The following PRELID2 variants were observed in gnomAD, a reference collection of about 807,000 sequenced individuals.
PRELID2 encodes the protein PRELI domain-containing protein 2.
Under a neutral mutation model 28.4 loss-of-function variants are expected in PRELID2, and 25 were observed. The ratio of observed to expected loss-of-function variants is 0.88; its 90% CI spans 0.64 to 1.23. The LOEUF is 1.23. Ranked by LOEUF, PRELID2 falls within the 50% of genes most tolerant of loss-of-function variation. The probability of loss-of-function intolerance (pLI) is 0.00; values close to 1 mark genes in which losing one functional copy is unlikely to be tolerated. For missense variants in PRELID2, 201 were observed against 214.4 expected, an observed-to-expected ratio of 0.94 and a Z score of 0.39; for synonymous variants, 76 against 71.6, an observed-to-expected ratio of 1.06 and a Z score of -0.31.
At chr5:145,828,061 G>T (rs1270549624) in intron 1 of PRELID2, among the ~76,000 whole-genome samples, 1 of 152,080 alleles carries the variant, frequency 6.6e-6, no homozygotes, top group African/African-American at 2.4e-5. Context: ...TAAATGAAAA[G>T]AAATAAAAAA....
chr5:145,391,679 G>GT, the PRELID2 span, among the ~76,000 whole-genome samples: 5 of 148,850 alleles, frequency 3.4e-5, no homozygotes. Context: ...CCTAGAAAAT[G>GT]TTTTGTTTTT....
the PRELID2 span, among the ~76,000 whole-genome samples, chr5:145,279,135 T>C: frequency 2.7e-4 from 41 of 152,298 alleles, no homozygotes; most frequent in African/African-American, 9.1e-4. Flanking sequence ...CTATGCATTG[T>C]CGTATCTGAA....
At chr5:145,717,424 A>T (rs1445299361) in intron 1 of PRELID2, among the ~76,000 whole-genome samples, 1 of 152,108 alleles carries the variant, frequency 6.6e-6, no homozygotes, top group Non-Finnish European at 1.5e-5. Flanking sequence ...ATGGTATGTG[A>T]GTTATGTTTC....
chr5:145,249,961 C>T, the PRELID2 span, among the ~76,000 whole-genome samples: 2 of 151,822 alleles, frequency 1.3e-5, no homozygotes, highest in African/African-American at 4.8e-5. Flanking sequence ...CTCTCTCTCT[C>T]TCTCCTTTTG....
At chr5:145,407,586 T>TA in the PRELID2 span, among the ~76,000 whole-genome samples, 52 of 152,130 alleles carry the variant, frequency 3.4e-4, no homozygotes, top group African/African-American at 1.3e-3. Context: ...ACCCATTGCC[T>TA]AAAAAACCCC....
chr5:145,546,882 G>A (rs980525475), intron 1 of PRELID2, among the ~76,000 whole-genome samples: 2 of 152,176 alleles, frequency 1.3e-5, no homozygotes, highest in Admixed American at 1.3e-4. Context: ...AAACAGCTTA[G>A]CTTCATGGTT....
chr5:145,634,093 T>G (rs1391674835), intron 1 of PRELID2, among the ~76,000 whole-genome samples: 1 of 152,106 alleles, frequency 6.6e-6, no homozygotes, highest in Non-Finnish European at 1.5e-5. Flanking sequence ...TCCCAGAAAA[T>G]AGTTGCTCTT....
intron 1 of PRELID2, among the ~76,000 whole-genome samples, chr5:145,697,227 A>G (rs940383101): frequency 6.6e-6 from 1 of 151,614 alleles, no homozygotes; most frequent in East Asian, 1.9e-4. Flanking sequence ...ATATATGTAG[A>G]TAGATAGAGA....
At chr5:145,364,742 G>T in the PRELID2 span, among the ~76,000 whole-genome samples, 1 of 151,890 alleles carries the variant, frequency 6.6e-6, no homozygotes, top group Non-Finnish European at 1.5e-5. Context: ...ACAACACTTG[G>T]ATTTCACCAA....
chr5:145,673,392 A>G (rs1754749313), intron 1 of PRELID2, among the ~76,000 whole-genome samples: 1 of 152,214 alleles, frequency 6.6e-6, no homozygotes, highest in African/African-American at 2.4e-5. Flanking sequence ...TTCAAAACAG[A>G]TAAATGTTTT....
chr5:145,692,490 T>C (rs1222003618), intron 1 of PRELID2, among the ~76,000 whole-genome samples: 1 of 152,166 alleles, frequency 6.6e-6, no homozygotes. Flanking sequence ...GCTCCATGCA[T>C]CAATCAGAAG....
intron 1 of PRELID2, among the ~76,000 whole-genome samples, chr5:145,685,800 C>T (rs1181336908): frequency 6.6e-6 from 1 of 152,166 alleles, no homozygotes; most frequent in Admixed American, 6.6e-5. Context: ...TAGCCTTCCT[C>T]TGCAGAGGGT....
chr5:145,235,205 A>G, the PRELID2 span, among the ~76,000 whole-genome samples: 1 of 152,150 alleles, frequency 6.6e-6, no homozygotes, highest in Admixed American at 6.5e-5. Context: ...ACTGAGGGTC[A>G]AACACTCAGC....
At chr5:145,422,601 C>A in the PRELID2 span, among the ~76,000 whole-genome samples, 129 of 152,138 alleles carry the variant, frequency 8.5e-4, no homozygotes, top group South Asian at 6.2e-3. Context: ...GATCTTCCTC[C>A]ATCCTTTTAT....
the PRELID2 span, among the ~76,000 whole-genome samples, chr5:145,290,236 G>C: frequency 2.0e-5 from 3 of 152,048 alleles, no homozygotes; most frequent in African/African-American, 7.2e-5. Flanking sequence ...TTGACCCAGC[G>C]ATCCCATTAC....
chr5:145,654,803 G>A (rs577587146), intron 1 of PRELID2, among the ~76,000 whole-genome samples: 250 of 152,230 alleles, frequency 1.6e-3, no homozygotes, highest in African/African-American at 5.8e-3. Flanking sequence ...TACTGAATGG[G>A]CAAAAACTGG....
chr5:145,525,514 G>A (rs1486556562), intron 1 of PRELID2, among the ~76,000 whole-genome samples: 2 of 152,112 alleles, frequency 1.3e-5, no homozygotes, highest in African/African-American at 4.8e-5. Flanking sequence ...AGATGCAACA[G>A]GGAAAGCCCA....
intron 1 of PRELID2, among the ~76,000 whole-genome samples, chr5:145,583,146 C>T (rs1044589917): frequency 5.3e-5 from 8 of 151,974 alleles, no homozygotes; most frequent in Non-Finnish European, 8.8e-5. Flanking sequence ...CATATATAAA[C>T]CAATAAATGT....
the PRELID2 span, among the ~76,000 whole-genome samples, chr5:145,301,480 G>A: frequency 6.6e-6 from 1 of 152,134 alleles, no homozygotes; most frequent in East Asian, 1.9e-4. Flanking sequence ...TCTTACTGGT[G>A]TCTTTTGAAG....
Sources: allele counts gnomAD v4.1 joint callset (sites outside exome capture counted in the v4.1 genomes callset), GRCh38; gene constraint gnomAD v4.1.1; transcripts MANE v1.5; gene names NCBI Gene and HGNC (gene_info 2026-07-23, HGNC 2026-07-21).